Variants in NOX4 observed in about 807,000 individuals in gnomAD.
The protein encoded by NOX4 is kidney oxidase-1.
NOX4 carries 69 observed loss-of-function variants against 87.6 expected under a neutral mutation model. The ratio of observed to expected loss-of-function variants is 0.79; its 90% CI spans 0.65 to 0.96. NOX4 has a LOEUF of 0.96. Ranked by LOEUF, NOX4 falls within the 40% of genes least tolerant of loss-of-function variation. The pLI is 0.00. For synonymous variants in NOX4, 275 were observed against 238.2 expected (o/e 1.15, Z -1.42); for missense variants, 680 against 681.5 (o/e 1.00, Z 0.02).
At chr11:89,344,535 G>C (rs1327659530) in intron 13 of NOX4, among the ~76,000 whole-genome samples, 1 of 152,186 alleles carries the variant, frequency 6.6e-6, no homozygotes, top group East Asian at 1.9e-4. Flanking sequence ...GGGTGACAGA[G>C]TAAAACTCAG....
intron 7 of NOX4, among the ~76,000 whole-genome samples, chr11:89,428,077 A>G (rs1409284443): frequency 6.6e-6 from 1 of 152,198 alleles, no homozygotes; most frequent in Non-Finnish European, 1.5e-5. Context: ...ACATTCTTAA[A>G]GAAAAGAATT....
Position 89,461,173 on chromosome 11 carries a change from C to T in NOX4, c.154-9278G>A, listed in dbSNP as rs185234154. 7.3e-5 allele frequency among the ~76,000 whole-genome samples: 11 copies of T among 151,636 alleles called. No homozygotes were observed. In the South Asian group the frequency reaches 8.4e-4, roughly 12 times the overall value. On this transcript the variant is annotated intron_variant, in intron 2 of 17. Coordinates refer to ENST00000263317, the MANE Select transcript of NOX4 (RefSeq NM_016931.5). ...GGGCCTGTTGTGGGGTGGGGGGAGC[C>T]GGGAGGGATAGCATTAGGAGATATA...
At chr11:89,506,602 T>C in the NOX4 span, among the ~76,000 whole-genome samples, 1 of 151,776 alleles carries the variant, frequency 6.6e-6, no homozygotes, top group Non-Finnish European at 1.5e-5. Context: ...TTAAAGTATA[T>C]AACTTCTGTT....
rs1274977815 is a variant in NOX4, at chr11:89,438,806, ATATT to A, written c.475+1878_475+1881del. On this transcript the variant is annotated intron_variant, in intron 6 of 17. Transcript: ENST00000263317. ...TAATATATAGTGTATAATATATTAT[ATATT>A]ATATATATTATATAATATCTTATAT... is the stretch of plus-strand genomic sequence containing the variant. Among the ~76,000 whole-genome samples, 2 of 25,462 alleles carry A rather than the reference ATATT, an allele frequency of 7.9e-5. 1 individual carries two copies. The highest frequency in any genetic ancestry group is 1.2e-3 in the African/African-American group (2 of 1,624). 16.7% of individuals were successfully genotyped at this position (25,462 alleles called of 152,430 possible).
chr11:89,399,288 CTGTTT>C (rs1941678904), intron 11 of NOX4, among the ~76,000 whole-genome samples: 11 of 150,714 alleles, frequency 7.3e-5, no homozygotes, highest in African/African-American at 2.7e-4. Flanking sequence ...TAAACACTGC[CTGTTT>C]TGTTTAATGT....
In NOX4 at chr11:89,368,429, AG is replaced by A. The variant is rs1460726335; in HGVS notation, c.1135+5002del. Among the ~76,000 whole-genome samples the A allele has an allele frequency of 8.5e-5, 13 of 152,148 alleles. 1 individual carries two copies. The highest frequency in any genetic ancestry group is 6.6e-4 in the Admixed American group (10 of 15,242). Reference sequence around the variant, plus strand: ...ACAGTTCTAAAGGCTGGGAAGTACAAGATCAAGGCACCAGCAGCTTTGATGC... The same window carrying A: ...ACAGTTCTAAAGGCTGGGAAGTACAAATCAAGGCACCAGCAGCTTTGATGC... On this transcript the variant is annotated intron_variant, in intron 12 of 17. Coordinates refer to ENST00000263317, the MANE Select transcript of NOX4 (RefSeq NM_016931.5).
chr11:89,382,432 G>A (rs187518564), intron 11 of NOX4, among the ~76,000 whole-genome samples: 3 of 151,392 alleles, frequency 2.0e-5, no homozygotes, highest in East Asian at 4.0e-4. Flanking sequence ...AATTTTTGTC[G>A]TAAAATGGGC....
At chr11:89,497,718 C>T (rs373404997) in intron 1 of NOX4, among the ~76,000 whole-genome samples, 1 of 152,098 alleles carries the variant, frequency 6.6e-6, no homozygotes, top group East Asian at 1.9e-4. Flanking sequence ...AAAGGCAAAT[C>T]CCATGTCTGT....
intron 17 of NOX4, among the ~76,000 whole-genome samples, chr11:89,334,664 TA>T: frequency 6.6e-6 from 1 of 151,882 alleles, no homozygotes; most frequent in Non-Finnish European, 1.5e-5. Context: ...TTGATGTTTA[TA>T]AAAATATATT....
At chr11:89,431,425 G>A (rs578262125) in intron 7 of NOX4, among the ~76,000 whole-genome samples, 197 of 152,188 alleles carry the variant, frequency 1.3e-3, no homozygotes, top group African/African-American at 4.5e-3. Context: ...GCAACCTACA[G>A]AATGGGAGAA....
At chr11:89,359,918 T>C (rs1938387006) in intron 12 of NOX4, among the ~76,000 whole-genome samples, 1 of 152,134 alleles carries the variant, frequency 6.6e-6, no homozygotes, top group Admixed American at 6.6e-5. Context: ...AATTTTTTTA[T>C]CTTTCTGTTA....
intron 11 of NOX4, among the ~76,000 whole-genome samples, chr11:89,387,120 CA>C (rs1338011828): frequency 2.0e-5 from 3 of 152,042 alleles, no homozygotes; most frequent in Non-Finnish European, 4.4e-5. Context: ...ATACCACCCC[CA>C]AAAATTTTCG....
the NOX4 span, among the ~76,000 whole-genome samples, chr11:89,547,326 C>T: frequency 7.2e-5 from 11 of 152,224 alleles, no homozygotes; most frequent in South Asian, 8.3e-4. Flanking sequence ...AGTAAATTTT[C>T]GGACATGGCA....
the NOX4 span, among the ~76,000 whole-genome samples, chr11:89,567,622 T>C: frequency 2.0e-5 from 3 of 152,144 alleles, no homozygotes; most frequent in Admixed American, 6.5e-5. Context: ...AAGCCTCTTA[T>C]AAAACCATCA....
chr11:89,402,851 C>CTATTA (rs1431085180), intron 8 of NOX4, among the ~76,000 whole-genome samples: 2 of 152,110 alleles, frequency 1.3e-5, no homozygotes, highest in Admixed American at 1.3e-4. Context: ...TACTTCAAGA[C>CTATTA]TATTAGGCAT....
the NOX4 span, among the ~76,000 whole-genome samples, chr11:89,527,269 C>G: frequency 1.6e-4 from 25 of 152,246 alleles, no homozygotes; most frequent in Admixed American, 1.6e-3. Context: ...TAGTTTGGAA[C>G]TGAAACTTAT....
At chr11:89,479,274 G>T (rs1456599701) in intron 2 of NOX4, among the ~76,000 whole-genome samples, 1 of 152,102 alleles carries the variant, frequency 6.6e-6, no homozygotes, top group Non-Finnish European at 1.5e-5. Flanking sequence ...AGAATCAAAA[G>T]TATAGCATGG....
chr11:89,535,406 T>C, the NOX4 span, among the ~76,000 whole-genome samples: 2 of 152,240 alleles, frequency 1.3e-5, no homozygotes, highest in Non-Finnish European at 2.9e-5. Flanking sequence ...TCTCACTGAT[T>C]TTTCAGTGGC....
chr11:89,367,556 T>G (rs1445927892), intron 12 of NOX4, among the ~76,000 whole-genome samples: 1 of 152,086 alleles, frequency 6.6e-6, no homozygotes, highest in Non-Finnish European at 1.5e-5. Flanking sequence ...TATTGGCTTT[T>G]TGCAGCAATC....
Sources: gnomAD v4.1 joint callset for allele counts (sites outside exome capture counted in the v4.1 genomes callset) on GRCh38, gnomAD v4.1.1 for gene constraint, MANE v1.5 for transcripts, NCBI Gene and HGNC (gene_info 2026-07-23, HGNC 2026-07-21) for gene names.